Variants in SH3RF2 observed in about 807,000 individuals in gnomAD.
The protein encoded by SH3RF2 is E3 ubiquitin-protein ligase SH3RF2.
A neutral mutation model predicts 59.0 loss-of-function variants in SH3RF2; 43 were observed. The ratio of observed to expected loss-of-function variants is 0.73; its 90% CI spans 0.57 to 0.94. The LOEUF (loss-of-function observed/expected upper bound fraction) is 0.94. Among genes scored for constraint, SH3RF2 ranks in the 40% least tolerant of loss-of-function variants. SH3RF2 has a pLI of 0.00. For synonymous variants in SH3RF2, 391 were observed against 391.5 expected (o/e 1.00, Z 0.01); for missense variants, 930 against 940.1 (o/e 0.99, Z 0.14).
At chr5:145,954,430 T>A (rs1758314666) in intron 2 of SH3RF2, among the ~76,000 whole-genome samples, 1 of 152,206 alleles carries the variant, frequency 6.6e-6, no homozygotes, top group Admixed American at 6.5e-5. Context: ...AAATTTAAGT[T>A]CCTTATAGAT....
intron 2 of SH3RF2, among the ~76,000 whole-genome samples, chr5:145,939,528 G>A (rs1428071603): frequency 6.6e-6 from 1 of 152,182 alleles, no homozygotes. Context: ...TCAACAATGA[G>A]GGTGGGAAGA....
At chr5:146,068,271 C>G (rs1024220096), downstream of SH3RF2, among the ~76,000 whole-genome samples, 2 of 152,344 alleles carry the variant, frequency 1.3e-5, no homozygotes, top group East Asian at 3.9e-4. Flanking sequence ...CCACGTCTGA[C>G]CACACAGGCA....
intron 2 of SH3RF2, among the ~76,000 whole-genome samples, chr5:145,998,499 G>GA (rs35057840): frequency 6.6e-6 from 1 of 151,802 alleles, no homozygotes; most frequent in Non-Finnish European, 1.5e-5. Flanking sequence ...TGTTTTATGG[G>GA]AAAAAAAAGT....
chr5:146,036,897 G>A (rs1294771366), intron 5 of SH3RF2, among the ~76,000 whole-genome samples: 1 of 152,190 alleles, frequency 6.6e-6, no homozygotes, highest in African/African-American at 2.4e-5. Context: ...CTAGCACCGG[G>A]GAAAAGGAAG....
chr5:145,959,138 G>A (rs1457395683), intron 2 of SH3RF2, among the ~76,000 whole-genome samples: 1 of 152,182 alleles, frequency 6.6e-6, no homozygotes, highest in Non-Finnish European at 1.5e-5. Flanking sequence ...GGAATTGGCA[G>A]CAAGTACCTC....
chr5:146,064,923 C>A (rs1763067758), downstream of SH3RF2, among the ~76,000 whole-genome samples: 1 of 151,798 alleles, frequency 6.6e-6, no homozygotes, highest in African/African-American at 2.4e-5. Flanking sequence ...CTAATTAGAC[C>A]TTTCCCCTAG....
In SH3RF2 at chr5:146,047,696, G is replaced by C. The variant is rs116401594; in HGVS notation, c.1060-76G>C. The stretch of plus-strand genomic sequence containing the variant: ...TTTCAGCTGTGTCAGGTCTTTCTAC[G>C]TAGCTGCTCTGTTTGCTGTGGGCCT... On this transcript the variant is annotated intron_variant, in intron 5 of 9. Coordinates refer to ENST00000359120, the MANE Select transcript of SH3RF2 (RefSeq NM_152550.4). The C allele has an allele frequency of 1.1e-5, 15 of 1,372,800 alleles. No individual in the cohort carries two copies. In the African/African-American group the frequency reaches 2.2e-4, roughly 20 times the overall value. 85.0% of individuals were successfully genotyped at this position (1,372,800 alleles called of 1,614,324 possible).
At chr5:145,937,094 A>C (rs1318757824) in intron 1 of SH3RF2, 3 of 152,122 alleles carry the variant, frequency 2.0e-5, no homozygotes, top group Admixed American at 6.5e-5. Flanking sequence ...ATGTCAAAGT[A>C]ACTAAACAGG....
intron 4 of SH3RF2, among the ~76,000 whole-genome samples, chr5:146,004,905 G>A (rs1453968262): frequency 3.3e-5 from 5 of 152,068 alleles, no homozygotes; most frequent in African/African-American, 1.2e-4. Flanking sequence ...AAGTGGTTCA[G>A]AAGGTAAATT....
At chr5:146,003,936 A>G (rs1034406738) in intron 3 of SH3RF2, 122 bp from the exon 4 acceptor site, 1 of 659,670 alleles carries the variant, frequency 1.5e-6, no homozygotes, top group African/African-American at 1.9e-5. Flanking sequence ...TTCCCAAATA[A>G]ATCAAGCACA....
chr5:146,056,096 C>T lies in SH3RF2; in HGVS notation c.1438C>T (p.Arg480Cys), dbSNP rs762910007. 1.2e-5 allele frequency: 20 copies of T among 1,614,094 alleles called. No individual in the cohort carries two copies. The highest frequency in any genetic ancestry group is 1.1e-4 in the South Asian group (10 of 91,084). The change falls in exon 8 of 10, where the codon CGT becomes TGT. Residue 480 changes from arginine to cysteine, a missense_variant. Arg to Cys is a radical substitution (Grantham distance 180). Transcript: ENST00000359120. Reference protein sequence around the residue: ...SISEGDPRQSRPFKSVFVPTA... With the variant: ...SISEGDPRQSCPFKSVFVPTA... ...TTCAGAAGGTGATCCACGGCAAAGCCGTCCCTTCAAATCCGTCTTTGTGCC... is the reference window on the plus strand; with the variant it reads ...TTCAGAAGGTGATCCACGGCAAAGCTGTCCCTTCAAATCCGTCTTTGTGCC...
intron 5 of SH3RF2, among the ~76,000 whole-genome samples, chr5:146,025,505 A>G (rs1761497284): frequency 6.6e-6 from 1 of 152,256 alleles, no homozygotes; most frequent in South Asian, 2.1e-4. Flanking sequence ...AGCTTGGAGA[A>G]GAAAAGATTG....
At chr5:146,010,277 A>G (rs1219791249) in intron 4 of SH3RF2, among the ~76,000 whole-genome samples, 1 of 152,180 alleles carries the variant, frequency 6.6e-6, no homozygotes, top group Non-Finnish European at 1.5e-5. Context: ...CCAGTCTATC[A>G]GTGATGGACA....
chr5:145,963,395 G>C (rs1465253885), intron 2 of SH3RF2, among the ~76,000 whole-genome samples: 2 of 151,968 alleles, frequency 1.3e-5, no homozygotes, highest in Admixed American at 1.3e-4. Context: ...TTGTGCCCAG[G>C]GTTCAAGATC....
intron 2 of SH3RF2, among the ~76,000 whole-genome samples, chr5:145,987,135 G>A (rs1409290772): frequency 6.6e-6 from 1 of 152,202 alleles, no homozygotes; most frequent in African/African-American, 2.4e-5. Context: ...GGGAGAGAAA[G>A]AGAGAGACAC....
At chr5:145,987,260 A>T (rs151087899) in intron 2 of SH3RF2, among the ~76,000 whole-genome samples, 1 of 152,282 alleles carries the variant, frequency 6.6e-6, no homozygotes. Flanking sequence ...TAAGTTCTTT[A>T]GGGGTGATTT....
At chr5:146,078,203 C>T (rs1392002896) in intron 9 of SH3RF2, among the ~76,000 whole-genome samples, 1 of 152,138 alleles carries the variant, frequency 6.6e-6, no homozygotes, top group Non-Finnish European at 1.5e-5. Context: ...TCACAAGATA[C>T]TTATTAGTCA....
intron 4 of SH3RF2, among the ~76,000 whole-genome samples, chr5:146,007,350 C>T (rs1166319047): frequency 6.6e-6 from 1 of 152,172 alleles, no homozygotes. Flanking sequence ...TTGGGATTGA[C>T]AGAGGCAGGC....
At chr5:145,971,901 G>GATGATGATC (rs1276341224) in intron 2 of SH3RF2, among the ~76,000 whole-genome samples, 1 of 145,954 alleles carries the variant, frequency 6.9e-6, no homozygotes, top group Non-Finnish European at 1.5e-5. Context: ...TGATGATGAT[G>GATGATGATC]ATGATGATGG....
Sources: gnomAD v4.1 joint callset for allele counts (sites outside exome capture counted in the v4.1 genomes callset) on GRCh38, gnomAD v4.1.1 for gene constraint, MANE v1.5 for transcripts, NCBI Gene and HGNC (gene_info 2026-07-23, HGNC 2026-07-21) for gene names.